Variants in LRFN5 observed in about 807,000 individuals in gnomAD.
LRFN5 encodes leucine-rich repeat and fibronectin type-III domain-containing protein 5.
In LRFN5, 24 loss-of-function variants were observed where a neutral mutation model predicts 45.6. The ratio of observed to expected loss-of-function variants is 0.53; its 90% CI spans 0.38 to 0.74. LRFN5 has a LOEUF of 0.74. Ranked by LOEUF, LRFN5 falls within the 30% of genes least tolerant of loss-of-function variation. LRFN5 has a pLI of 0.00. For synonymous variants in LRFN5, 340 were observed against 313.8 expected (o/e 1.08, Z -0.88); for missense variants, 776 against 861.5 (o/e 0.90, Z 1.24).
At chr14:41,658,774 T>C (rs1436643724) in intron 1 of LRFN5, among the ~76,000 whole-genome samples, 1 of 152,006 alleles carries the variant, frequency 6.6e-6, no homozygotes, top group African/African-American at 2.4e-5. Context: ...TAATATTAAC[T>C]ATGACCTTGG....
rs762675129 is a variant in LRFN5, at chr14:41,887,679, A to T, written c.1054A>T (p.Thr352Ser). 1 of 1,614,226 alleles carries T rather than the reference A, an allele frequency of 6.2e-7. No homozygotes were observed. The highest frequency in any genetic ancestry group is 1.7e-5 in the Admixed American group (1 of 60,030). Residue 352 changes from threonine (T) to serine (S), a missense_variant, in exon 3 of 6, where the codon ACA becomes TCA. Physicochemically the swap from Thr to Ser is moderately conservative, Grantham distance 58. Transcript: ENST00000298119. The surrounding 1 kb of genome is among the most constrained non-coding windows in gnomAD (Gnocchi z 4.8). ...CATTCTTATCACAACTGTAAAGGAT[A>T]CAGGTGCTTTTACCTGCATTGCTTC... ...LDILITTVKDTGAFTCIASNP... is the reference protein window; with the variant it reads ...LDILITTVKDSGAFTCIASNP...
At chr14:41,731,339 T>C (rs1050311411) in intron 1 of LRFN5, 1 of 152,140 alleles carries the variant, frequency 6.6e-6, no homozygotes, top group Admixed American at 6.6e-5. Flanking sequence ...TTAACCAGAT[T>C]TGATATTTTC....
At chr14:41,876,333 T>G (rs1890186426) in intron 2 of LRFN5, among the ~76,000 whole-genome samples, 1 of 136,034 alleles carries the variant, frequency 7.4e-6, no homozygotes, top group Non-Finnish European at 1.5e-5. Context: ...CAGGCTGGAG[T>G]GCAGTGGTGC....
intron 2 of LRFN5, among the ~76,000 whole-genome samples, chr14:41,817,197 A>C (rs896863154): frequency 2.0e-5 from 3 of 152,092 alleles, no homozygotes; most frequent in African/African-American, 4.8e-5. Flanking sequence ...CCTGTCCATT[A>C]GAGCTCTGAG....
intron 1 of LRFN5, among the ~76,000 whole-genome samples, chr14:41,744,285 C>G (rs754922423): frequency 2.0e-5 from 3 of 151,980 alleles, no homozygotes; most frequent in Non-Finnish European, 4.4e-5. Context: ...TGAGCCCAGG[C>G]GGTTGAAGCT....
At position 41,892,848 on chromosome 14, in the gene LRFN5, T is replaced by A. The variant is rs551679215; in HGVS notation, c.2098+886T>A. 3 of 985,376 alleles carry A rather than the reference T, an allele frequency of 3.0e-6. No homozygotes were observed. The South Asian group carries it at 1.4e-4, about 46-fold the overall frequency. 61.0% of individuals were successfully genotyped at this position (985,376 alleles called of 1,614,324 possible). On this transcript the variant is annotated intron_variant, in intron 4 of 5. Transcript: ENST00000298119. The stretch of plus-strand genomic sequence containing the variant: ...GGCTACAAATTCCTATGCATCTACA[T>A]GGACATATGAAGATGTTTTCATTCA...
At chr14:41,612,300 AAG>A (rs1399708690) in intron 1 of LRFN5, among the ~76,000 whole-genome samples, 3 of 152,150 alleles carry the variant, frequency 2.0e-5, no homozygotes, top group Non-Finnish European at 4.4e-5. Context: ...GATTGCTAAT[AAG>A]TATTATTGCC....
intron 2 of LRFN5, among the ~76,000 whole-genome samples, chr14:41,786,360 T>C (rs1297154692): frequency 6.6e-6 from 1 of 152,068 alleles, no homozygotes; most frequent in African/African-American, 2.4e-5. Context: ...TAATTATTTT[T>C]CATATTTAGA....
intron 1 of LRFN5, among the ~76,000 whole-genome samples, chr14:41,753,488 T>G (rs1885231144): frequency 6.6e-6 from 1 of 152,104 alleles, no homozygotes; most frequent in Admixed American, 6.5e-5. Context: ...TCACATCCCC[T>G]GTAAGTTGGA....
At chr14:41,627,547 A>G (rs1888376069) in intron 1 of LRFN5, among the ~76,000 whole-genome samples, 1 of 152,186 alleles carries the variant, frequency 6.6e-6, no homozygotes, top group Admixed American at 6.5e-5. Context: ...GAGTTATCCA[A>G]CAAAATTCTC....
Position 41,880,341 on chromosome 14 carries a change from C to T in LRFN5, c.-20-6265C>T, listed in dbSNP as rs549602532. ...AATAGTCTCATTTCTTCTATTTACTCTCTTTTGTATTTATTTTCTAGCTTC... is the reference window on the plus strand; with the variant it reads ...AATAGTCTCATTTCTTCTATTTACTTTCTTTTGTATTTATTTTCTAGCTTC... On this transcript the variant is annotated intron_variant, in intron 2 of 5. Coordinates refer to ENST00000298119, the MANE Select transcript of LRFN5 (RefSeq NM_152447.5). Among the ~76,000 whole-genome samples the T allele has an allele frequency of 5.9e-4, 90 of 151,980 alleles. 1 individual carries two copies. Among genetic ancestry groups the T allele is most frequent in the African/African-American group, 1.6e-3 (66 of 41,458 alleles).
Position 41,669,700 on chromosome 14 carries a change from C to T in LRFN5, c.-197+61138C>T, listed in dbSNP as rs117661590. Among the ~76,000 whole-genome samples the T allele has an allele frequency of 9.3e-3, 1,412 of 151,964 alleles. 6 individuals carry two copies. Among genetic ancestry groups the T allele is most frequent in the East Asian group, 0.02 (103 of 5,176 alleles). On this transcript the variant is annotated intron_variant, in intron 1 of 5. Transcript: ENST00000298119. ...CACACTTTGACCCAGCCAGTTCTTA[C>T]TGTAGGAATTTATTGCAGTTCTATC...
chr14:41,800,949 G>T (rs1438424194), intron 2 of LRFN5, among the ~76,000 whole-genome samples: 2 of 151,974 alleles, frequency 1.3e-5, no homozygotes, highest in Non-Finnish European at 2.9e-5. Flanking sequence ...CAGATAAAAA[G>T]ACTGGATATA....
At chr14:41,846,354 A>G (rs763800453) in intron 2 of LRFN5, among the ~76,000 whole-genome samples, 7 of 152,188 alleles carry the variant, frequency 4.6e-5, no homozygotes, top group Non-Finnish European at 1.0e-4. Flanking sequence ...ATCAAAAACT[A>G]GAAAAAGACT....
intron 2 of LRFN5, among the ~76,000 whole-genome samples, chr14:41,846,075 C>T (rs1367334267): frequency 6.6e-6 from 1 of 152,092 alleles, no homozygotes; most frequent in Non-Finnish European, 1.5e-5. Flanking sequence ...GGTTGCATGG[C>T]GGTGAATGCA....
At chr14:41,808,573 G>GGAAC (rs1555321357) in intron 2 of LRFN5, among the ~76,000 whole-genome samples, 3 of 101,612 alleles carry the variant, frequency 3.0e-5, no homozygotes, top group Non-Finnish European at 6.9e-5. Flanking sequence ...AAGGAAGGAA[G>GGAAC]GAAGGAAGGA....
In LRFN5 at chr14:41,677,550, T is replaced by C. The variant is rs184830838; in HGVS notation, c.-197+68988T>C. Among the ~76,000 whole-genome samples, 326 of 152,260 alleles carry C rather than the reference T, an allele frequency of 2.1e-3. 1 individual carries two copies. The highest frequency in any genetic ancestry group is 7.2e-3 in the African/African-American group (300 of 41,566). ...AAAATACAGAATATTAATAAAGAGA[T>C]GCAACTTGTTTGAAAGAATCAAATG... On this transcript the variant is annotated intron_variant, in intron 1 of 5. Transcript: ENST00000298119.
intron 1 of LRFN5, among the ~76,000 whole-genome samples, chr14:41,737,456 GTCTC>G (rs1884491214): frequency 6.6e-6 from 1 of 152,070 alleles, no homozygotes; most frequent in Non-Finnish European, 1.5e-5. Flanking sequence ...CAAGGATGCC[GTCTC>G]TCTCCACTCC....
intron 2 of LRFN5, among the ~76,000 whole-genome samples, chr14:41,828,599 G>A (rs965269781): frequency 2.0e-5 from 3 of 151,842 alleles, no homozygotes; most frequent in Non-Finnish European, 4.4e-5. Context: ...AAATCTGGAA[G>A]TCCTTTATGG....
Sources: gnomAD v4.1 joint callset for allele counts (sites outside exome capture counted in the v4.1 genomes callset) on GRCh38, gnomAD v4.1.1 for gene constraint, Gnocchi (gnomAD v3.1) non-coding constraint, MANE v1.5 for transcripts, NCBI Gene and HGNC (gene_info 2026-07-23, HGNC 2026-07-21) for gene names.